NEDD4L: variants seen among roughly 807,000 people sequenced by gnomAD.
NEDD4L encodes E3 ubiquitin-protein ligase NEDD4-like.
A neutral mutation model predicts 148.9 loss-of-function variants in NEDD4L; 54 were observed. That is an observed-to-expected ratio of 0.36 (90% CI 0.29 to 0.45). The LOEUF (loss-of-function observed/expected upper bound fraction) is 0.45. Among genes scored for constraint, NEDD4L ranks in the 20% least tolerant of loss-of-function variants. The pLI is 1.00. For synonymous variants in NEDD4L, 433 were observed against 440.7 expected (o/e 0.98, Z 0.22); for missense variants, 856 against 1,233.8 (o/e 0.69, Z 4.59).
rs2050809632 is a variant in NEDD4L at position 58,400,939 on chromosome 18, G to A, written c.*4670G>A. 6.6e-6 allele frequency: 1 copy of A among 151,920 alleles called. No individual in the cohort carries two copies. Among genetic ancestry groups the A allele is most frequent in the East Asian group, 1.9e-4 (1 of 5,194 alleles). The allele number at this position is 151,920 out of a possible 1,614,324, so 9.4% of individuals were successfully genotyped here. ...GTACATATGCTGTCCAAATATATTT[G>A]TATATATTTGTATAGCATTTTTACA... On this transcript the variant is annotated 3_prime_UTR_variant, in exon 31 of 31. Coordinates refer to ENST00000400345, the MANE Select transcript of NEDD4L (RefSeq NM_001144967.3).
chr18:58,046,995 AGAATCAGG>A (rs2081614489), intron 1 of NEDD4L: 1 of 152,486 alleles, frequency 6.6e-6, no homozygotes, highest in Admixed American at 6.5e-5. Context: ...TGCCCTTCAG[AGAATCAGG>A]GAATGCCTTC....
intron 1 of NEDD4L, among the ~76,000 whole-genome samples, chr18:58,092,739 G>A (rs964631485): frequency 3.3e-5 from 5 of 150,864 alleles, no homozygotes; most frequent in Non-Finnish European, 7.4e-5. Context: ...CACTTGAGAT[G>A]TGGTGCACAT....
intron 2 of NEDD4L, among the ~76,000 whole-genome samples, chr18:58,243,396 T>A (rs953512580): frequency 6.6e-6 from 1 of 152,244 alleles, no homozygotes; most frequent in Non-Finnish European, 1.5e-5. Context: ...TAGAAAATAC[T>A]CTTTTCAAAT....
chr18:58,257,287 G>A (rs117241025), intron 5 of NEDD4L, among the ~76,000 whole-genome samples: 2,106 of 152,198 alleles, frequency 0.014, 19 homozygotes, highest in Non-Finnish European at 0.02. Flanking sequence ...TTGATTATCT[G>A]TCATGGCCTG....
In NEDD4L at chr18:58,400,071, TCTC is replaced by T. The variant is rs760852343; in HGVS notation, c.*3805_*3807del. On this transcript the variant is annotated 3_prime_UTR_variant, in exon 31 of 31. Coordinates refer to ENST00000400345, the MANE Select transcript of NEDD4L (RefSeq NM_001144967.3). ...AGCCCCTACGTGACACTGTGCTAGT[TCTC>T]CTTCTTCTGTCTCCTCCTTACCCTG... 15 of 152,516 alleles carry T rather than the reference TCTC, an allele frequency of 9.8e-5. No individual in the cohort carries two copies. The highest frequency in any genetic ancestry group is 1.9e-4 in the Non-Finnish European group (13 of 68,224). The allele number at this position is 152,516 out of a possible 1,614,324, so 9.4% of individuals were successfully genotyped here. A position where few individuals can be genotyped will look rare whatever the true frequency, so the allele number is the denominator to read the frequency against.
chr18:58,102,027 T>TC (rs547639254), intron 1 of NEDD4L, among the ~76,000 whole-genome samples: 101 of 152,328 alleles, frequency 6.6e-4, no homozygotes, highest in Non-Finnish European at 1.2e-3. Flanking sequence ...CTTGGTTGGT[T>TC]AGTTTTTCTA....
intron 1 of NEDD4L, among the ~76,000 whole-genome samples, chr18:58,059,704 G>C (rs191035370): frequency 6.6e-6 from 1 of 152,250 alleles, no homozygotes; most frequent in Non-Finnish European, 1.5e-5. Flanking sequence ...CACCTCTTGT[G>C]GGACATGGTG....
intron 2 of NEDD4L, among the ~76,000 whole-genome samples, chr18:58,239,936 A>G (rs1017766844): frequency 2.6e-5 from 4 of 152,224 alleles, no homozygotes; most frequent in African/African-American, 9.7e-5. Flanking sequence ...AGAATGAAAG[A>G]GACAATAATT....
At chr18:58,269,925 GCAGTC>G (rs2050785150) in intron 5 of NEDD4L, among the ~76,000 whole-genome samples, 1 of 152,192 alleles carries the variant, frequency 6.6e-6, no homozygotes, top group Non-Finnish European at 1.5e-5. Flanking sequence ...TGCATTAAGA[GCAGTC>G]CAGTTGAATA....
chr18:58,063,212 A>AC (rs2082422762), intron 1 of NEDD4L, among the ~76,000 whole-genome samples: 1 of 151,180 alleles, frequency 6.6e-6, no homozygotes, highest in Admixed American at 6.6e-5. Flanking sequence ...TGCCTGGCTA[A>AC]TTTTTTATTT....
chr18:58,374,369 A>G (rs1348672980), intron 24 of NEDD4L, among the ~76,000 whole-genome samples: 1 of 152,104 alleles, frequency 6.6e-6, no homozygotes, highest in African/African-American at 2.4e-5. Flanking sequence ...TCAGAGAAGG[A>G]CTTCAGGCAC....
Position 58,366,397 on chromosome 18 carries a change from C to T in NEDD4L, c.2063+169C>T, listed in dbSNP as rs1287295557. 6.6e-6 allele frequency among the ~76,000 whole-genome samples: 1 copy of T among 152,170 alleles called. No homozygotes were observed. The highest frequency in any genetic ancestry group is 2.4e-5 in the African/African-American group (1 of 41,424). On this transcript the variant is annotated intron_variant, in intron 21 of 30. Coordinates refer to ENST00000400345, the MANE Select transcript of NEDD4L (RefSeq NM_001144967.3). This position sits in a 1 kb window ranked among gnomAD's most constrained non-coding sequence, Gnocchi z 4.2. Reference sequence around the variant, plus strand: ...AAGTCTAGAACAGGTTCTGACTCTACGTGGTGAAATAGTGTACTCTGCGAA... The same window carrying T: ...AAGTCTAGAACAGGTTCTGACTCTATGTGGTGAAATAGTGTACTCTGCGAA...
intron 1 of NEDD4L, among the ~76,000 whole-genome samples, chr18:58,094,884 C>G (rs1407502175): frequency 6.9e-6 from 1 of 145,106 alleles, no homozygotes; most frequent in African/African-American, 2.6e-5. Context: ...CCGTGAATGC[C>G]TCTAGAAAGA....
At chr18:58,245,078 G>A (rs997629617) in intron 2 of NEDD4L, among the ~76,000 whole-genome samples, 1 of 152,138 alleles carries the variant, frequency 6.6e-6, no homozygotes, top group African/African-American at 2.4e-5. Context: ...TTACCTAGAC[G>A]CTAGAAATAA....
At chr18:58,140,434 CA>C (rs2033368717) in intron 1 of NEDD4L, among the ~76,000 whole-genome samples, 1 of 152,218 alleles carries the variant, frequency 6.6e-6, no homozygotes, top group South Asian at 2.1e-4. Context: ...AAATGCCAGT[CA>C]GGTTGCTTCC....
At chr18:58,357,123 A>C in intron 18 of NEDD4L, 71 bp from the exon 19 acceptor site, 1 of 1,404,390 alleles carries the variant, frequency 7.1e-7, no homozygotes, top group Non-Finnish European at 9.8e-7. Flanking sequence ...ACTTCCTTCC[A>C]AAACTTTCTT....
At chr18:58,333,670 T>C in intron 11 of NEDD4L, 148 bp from the exon 12 acceptor site, 2 of 644,288 alleles carry the variant, frequency 3.1e-6, no homozygotes, top group Non-Finnish European at 5.6e-6. Context: ...CAAGGATGAC[T>C]GTCCTTGCTC....
chr18:58,374,051 T>A (rs777528917), intron 24 of NEDD4L, among the ~76,000 whole-genome samples: 2 of 152,214 alleles, frequency 1.3e-5, no homozygotes, highest in African/African-American at 2.4e-5. Flanking sequence ...TCTCCACGGC[T>A]ATGAAATTAA....
intron 1 of NEDD4L, among the ~76,000 whole-genome samples, chr18:58,161,930 C>A (rs151193158): frequency 2.6e-4 from 40 of 152,260 alleles, no homozygotes; most frequent in African/African-American, 9.4e-4. Context: ...ACAAGGAAGA[C>A]TGGGAAATGT....
Sources: gnomAD v4.1 joint callset for allele counts (sites outside exome capture counted in the v4.1 genomes callset) on GRCh38, gnomAD v4.1.1 for gene constraint, Gnocchi (gnomAD v3.1) non-coding constraint, MANE v1.5 for transcripts, NCBI Gene and HGNC (gene_info 2026-07-23, HGNC 2026-07-21) for gene names.